The following NCOA3 variants were observed in gnomAD, a reference collection of about 807,000 sequenced individuals.
The protein encoded by NCOA3 is CBP-interacting protein.
In NCOA3, 51 loss-of-function variants were observed where a neutral mutation model predicts 158.8. The ratio of observed to expected loss-of-function variants is 0.32; its 90% confidence interval spans 0.26 to 0.41. NCOA3 has a LOEUF of 0.41. Among genes scored for constraint, NCOA3 ranks in the 10% least tolerant of loss-of-function variants. NCOA3 has a pLI of 1.00. For synonymous variants in NCOA3, 537 were observed against 592.4 expected (o/e 0.91, Z 1.36); for missense variants, 1,510 against 1,746.6 (o/e 0.86, Z 2.41).
At chr20:47,552,542 C>T (rs1170898706) in intron 1 of NCOA3, among the ~76,000 whole-genome samples, 1 of 152,134 alleles carries the variant, frequency 6.6e-6, no homozygotes, top group Non-Finnish European at 1.5e-5. Flanking sequence ...ATATTTTCCC[C>T]AAACCAGATT....
chr20:47,531,801 C>G (rs1401262200), intron 1 of NCOA3, among the ~76,000 whole-genome samples: 1 of 152,002 alleles, frequency 6.6e-6, no homozygotes, highest in Non-Finnish European at 1.5e-5. Context: ...AACTTTCCAT[C>G]CTTCAGGTCC....
intron 2 of NCOA3, among the ~76,000 whole-genome samples, chr20:47,593,499 G>A (rs183341662): frequency 2.6e-5 from 4 of 151,154 alleles, no homozygotes; most frequent in African/African-American, 4.9e-5. Context: ...CCGCCACCAC[G>A]CCCGGCTAAT....
intron 1 of NCOA3, among the ~76,000 whole-genome samples, chr20:47,568,163 G>A (rs1237607487): frequency 6.6e-6 from 1 of 152,216 alleles, no homozygotes; most frequent in African/African-American, 2.4e-5. Flanking sequence ...ACAAGCTGCT[G>A]TGGCTCCAGT....
intron 8 of NCOA3, among the ~76,000 whole-genome samples, chr20:47,632,655 G>C (rs546628173): frequency 6.6e-6 from 1 of 151,022 alleles, no homozygotes; most frequent in African/African-American, 2.4e-5. Context: ...CAAAGTGCTG[G>C]GATTACAGAT....
chr20:47,541,790 A>G (rs1405942875), intron 1 of NCOA3, among the ~76,000 whole-genome samples: 2 of 151,992 alleles, frequency 1.3e-5, no homozygotes, highest in Non-Finnish European at 2.9e-5. Flanking sequence ...ACTCTACATT[A>G]TTACATCTAG....
rs140370871 is a variant in NCOA3, at chr20:47,602,693, G to A, written c.-20+19432G>A. ...TAGTTTAAGGCTTTGATTCCTAGGC[G>A]CTGAGAAGAAAGTTGAAATTTATTT... On this transcript the variant is annotated intron_variant, in intron 2 of 22. Transcript: ENST00000371998. Among the ~76,000 whole-genome samples, 1,061 of 152,228 alleles carry A rather than the reference G, an allele frequency of 7.0e-3. 3 individuals carry two copies. The highest frequency in any genetic ancestry group is 0.012 in the Non-Finnish European group (808 of 68,014).
intron 1 of NCOA3, among the ~76,000 whole-genome samples, chr20:47,547,443 CG>C (rs1278441306): frequency 6.6e-6 from 1 of 151,474 alleles, no homozygotes; most frequent in Non-Finnish European, 1.5e-5. Context: ...GACGGAGTCT[CG>C]CTCTGCCACC....
chr20:47,627,476 G>A (rs2086341881), intron 6 of NCOA3, 85 bp from the exon 7 acceptor site: 3 of 1,074,770 alleles, frequency 2.8e-6, no homozygotes, highest in Non-Finnish European at 4.1e-6. Flanking sequence ...CATGCATAAT[G>A]AGAAAATGCA....
intron 1 of NCOA3, among the ~76,000 whole-genome samples, chr20:47,574,703 C>T (rs2085346052): frequency 6.6e-6 from 1 of 152,104 alleles, no homozygotes; most frequent in Non-Finnish European, 1.5e-5. Context: ...ATTCTGTTTT[C>T]TTCAAGGGCC....
chr20:47,610,443 C>G (rs1290426998), intron 2 of NCOA3, among the ~76,000 whole-genome samples: 1 of 152,202 alleles, frequency 6.6e-6, no homozygotes, highest in Non-Finnish European at 1.5e-5. Flanking sequence ...TGGTCTCAAA[C>G]TGCTGGGCTC....
Position 47,501,921 on chromosome 20 carries a change from C to T in NCOA3, c.-197C>T, listed in dbSNP as rs1602303309. 5.0e-6 allele frequency: 2 copies of T among 400,332 alleles called. No homozygotes were observed. The highest frequency in any genetic ancestry group is 4.4e-5 in the Admixed American group (1 of 22,698). The allele number at this position is 400,332 out of a possible 1,614,324, so 24.8% of individuals were successfully genotyped here. A position where few individuals can be genotyped will look rare whatever the true frequency, so the allele number is the denominator to read the frequency against. ...TGTCTCAGCCGCTCCACAGCGACGG[C>T]AGCGGCTGCGGCTTAGTCGGTGGCG... On this transcript the variant is annotated 5_prime_UTR_variant, in exon 1 of 23. Transcript: ENST00000371998.
chr20:47,639,855 A>G (rs747802392), intron 15 of NCOA3, 33 bp downstream of exon 15: 1 of 1,612,344 alleles, frequency 6.2e-7, no homozygotes, highest in Non-Finnish European at 8.5e-7. Context: ...TCATGAAAAA[A>G]GAAAGTTAGA....
intron 2 of NCOA3, among the ~76,000 whole-genome samples, chr20:47,587,697 T>G (rs1426258451): frequency 6.6e-6 from 1 of 152,230 alleles, no homozygotes; most frequent in Non-Finnish European, 1.5e-5. Flanking sequence ...ATTGCTGTAT[T>G]GTTTTTTTAA....
chr20:47,590,199 A>G (rs573867372), intron 2 of NCOA3, among the ~76,000 whole-genome samples: 78 of 152,346 alleles, frequency 5.1e-4, no homozygotes, highest in African/African-American at 1.8e-3. Flanking sequence ...TATAAGAAAT[A>G]GTATATGACC....
chr20:47,546,593 G>T (rs924726651), intron 1 of NCOA3, among the ~76,000 whole-genome samples: 1 of 148,976 alleles, frequency 6.7e-6, no homozygotes, highest in Non-Finnish European at 1.5e-5. Flanking sequence ...GTGCAGTGGC[G>T]CAGTCTTGGC....
chr20:47,517,458 T>C (rs1252042244), intron 1 of NCOA3, among the ~76,000 whole-genome samples: 1 of 144,630 alleles, frequency 6.9e-6, no homozygotes. Flanking sequence ...TTTCTTTTTT[T>C]TTTTTTTTTT....
At chr20:47,601,014 T>C (rs1250916998) in intron 2 of NCOA3, among the ~76,000 whole-genome samples, 1 of 152,182 alleles carries the variant, frequency 6.6e-6, no homozygotes, top group East Asian at 1.9e-4. Flanking sequence ...CTTTCTGGTG[T>C]TCTGTTCTAG....
At chr20:47,595,503 A>T (rs183561649) in intron 2 of NCOA3, among the ~76,000 whole-genome samples, 15 of 152,330 alleles carry the variant, frequency 9.8e-5, no homozygotes, top group Admixed American at 4.6e-4. Flanking sequence ...AACTGGTTTT[A>T]AATTTTTTAG....
intron 1 of NCOA3, among the ~76,000 whole-genome samples, chr20:47,519,678 A>G (rs1484918549): frequency 6.6e-6 from 1 of 152,210 alleles, no homozygotes; most frequent in African/African-American, 2.4e-5. Context: ...CTGTAATTCT[A>G]GCACTTTGTG....
Sources: allele counts gnomAD v4.1 joint callset (sites outside exome capture counted in the v4.1 genomes callset), GRCh38; gene constraint gnomAD v4.1.1; transcripts MANE v1.5; gene names NCBI Gene and HGNC (gene_info 2026-07-23, HGNC 2026-07-21).